Variants in ATPAF2 observed in about 807,000 individuals in gnomAD.
ATPAF2 encodes the protein ATP12 homolog.
In ATPAF2, 30 loss-of-function variants were observed where a neutral mutation model predicts 36.6. The observed-to-expected ratio is 0.82, with a 90% CI of 0.61 to 1.11. The LOEUF (loss-of-function observed/expected upper bound fraction) is 1.11. ATPAF2 is among the 50% of genes most tolerant of loss of function. ATPAF2 has a pLI of 0.00. For synonymous variants in ATPAF2, 140 were observed against 152.6 expected (o/e 0.92, Z 0.61); for missense variants, 321 against 372.3 (o/e 0.86, Z 1.13).
chr17:18,018,613 C>T lies in ATPAF2; in HGVS notation c.806G>A (p.Gly269Asp). 6.2e-7 allele frequency: 1 copy of T among 1,613,998 alleles called. No homozygotes were observed. Residue 269 changes from glycine (G) to aspartate (D), a missense_variant, in exon 8 of 8, where the codon GGC (glycine) becomes GAC (aspartate). Physicochemically the swap from Gly to Asp is moderately conservative, Grantham distance 94. Coordinates refer to ENST00000474627, the MANE Select transcript of ATPAF2 (RefSeq NM_145691.4). ...LQELRARTAAGTLFIHLCSES... is the reference protein window; with the variant it reads ...LQELRARTAADTLFIHLCSES... ...GGAGCAGAGATGGATGAAGAGGGTGCCGGCGGCGGTGCGGGCCCGCAGCTC... is the reference window on the plus strand; with the variant it reads ...GGAGCAGAGATGGATGAAGAGGGTGTCGGCGGCGGTGCGGGCCCGCAGCTC...
In ATPAF2 at chr17:18,029,862, T is replaced by C. The variant is rs959112880; in HGVS notation, c.134-1203A>G. 1.3e-4 allele frequency among the ~76,000 whole-genome samples: 14 copies of C among 104,382 alleles called. No individual in the cohort carries two copies. In the Admixed American group the frequency reaches 1.8e-3, roughly 14 times the overall value. 68.5% of individuals were successfully genotyped at this position (104,382 alleles called of 152,430 possible). On this transcript the variant is annotated intron_variant, in intron 1 of 7. Coordinates refer to ENST00000474627, the MANE Select transcript of ATPAF2 (RefSeq NM_145691.4). Reference sequence around the variant, plus strand: ...CCGTGAGCCACCATGCCCGGCCAAATAGTTTGCCTTTAACGCTAAAAAAAA... The same window carrying C: ...CCGTGAGCCACCATGCCCGGCCAAACAGTTTGCCTTTAACGCTAAAAAAAA...
chr17:18,036,580 A>T (rs964273641), intron 1 of ATPAF2, among the ~76,000 whole-genome samples: 1 of 151,944 alleles, frequency 6.6e-6, no homozygotes, highest in Non-Finnish European at 1.5e-5. Flanking sequence ...TGTCTCAAAA[A>T]AAAAAAAAAG....
chr17:18,020,632 C>T (rs1035895381), intron 7 of ATPAF2: 1 of 164,304 alleles, frequency 6.1e-6, no homozygotes, highest in African/African-American at 2.4e-5. Flanking sequence ...AATGCAGGAA[C>T]ACAGCGGTAG....
At chr17:18,036,212 C>T (rs764210253) in intron 1 of ATPAF2, among the ~76,000 whole-genome samples, 1 of 152,092 alleles carries the variant, frequency 6.6e-6, no homozygotes, top group Admixed American at 6.5e-5. Context: ...GAACCCACTG[C>T]GGTTTAATCT....
At chr17:18,024,535 C>T (rs536483202) in intron 5 of ATPAF2, 89 bp downstream of exon 5, 11 of 1,082,072 alleles carry the variant, frequency 1.0e-5, no homozygotes, top group Non-Finnish European at 1.4e-5. Context: ...TAGCTAAGGG[C>T]ACTAGTTTTC....
At chr17:18,022,800 A>G (rs1331864071) in intron 5 of ATPAF2, among the ~76,000 whole-genome samples, 2 of 151,988 alleles carry the variant, frequency 1.3e-5, no homozygotes, top group African/African-American at 4.8e-5. Flanking sequence ...ATTTTCTTCC[A>G]TATATCACTG....
chr17:18,023,768 G>T (rs2044504663), intron 5 of ATPAF2, among the ~76,000 whole-genome samples: 1 of 152,176 alleles, frequency 6.6e-6, no homozygotes, highest in South Asian at 2.1e-4. Context: ...CATCACTTTT[G>T]TGGAAAACTG....
intron 3 of ATPAF2, 22 bp downstream of exon 3, chr17:18,028,210 G>A (rs2044575865): frequency 6.2e-7 from 1 of 1,614,146 alleles, no homozygotes; most frequent in South Asian, 1.1e-5. Flanking sequence ...CAGGGTCCAG[G>A]TTCACACTGT....
intron 4 of ATPAF2, 86 bp downstream of exon 4, chr17:18,026,233 G>C (rs1009675455): frequency 4.7e-6 from 6 of 1,269,478 alleles, no homozygotes; most frequent in South Asian, 2.4e-5. Flanking sequence ...AAATGGAGAG[G>C]GTTTCTTCTT....
At chr17:18,032,837 T>A (rs1428221039) in intron 1 of ATPAF2, among the ~76,000 whole-genome samples, 3 of 132,642 alleles carry the variant, frequency 2.3e-5, no homozygotes, top group East Asian at 2.1e-4. Flanking sequence ...ATTGATTCAA[T>A]TTTTTTTTTT....
At chr17:18,022,068 T>C (rs1406968665) in intron 5 of ATPAF2, among the ~76,000 whole-genome samples, 3 of 152,300 alleles carry the variant, frequency 2.0e-5, no homozygotes, top group Non-Finnish European at 4.4e-5. Context: ...ACCAAGAAAC[T>C]GTGCTGAATG....
chr17:18,020,762 T>G (rs921704902), intron 7 of ATPAF2: 2 of 219,094 alleles, frequency 9.1e-6, no homozygotes, highest in African/African-American at 4.8e-5. Flanking sequence ...CACTACAACC[T>G]CCACCTCCCA....
intron 1 of ATPAF2, among the ~76,000 whole-genome samples, chr17:18,033,926 C>A (rs1356445045): frequency 6.6e-6 from 1 of 151,946 alleles, no homozygotes; most frequent in Admixed American, 6.6e-5. Context: ...TCAAGACCAG[C>A]CTGAGCAACA....
intron 4 of ATPAF2, chr17:18,025,067 G>A: frequency 2.7e-6 from 1 of 363,856 alleles, no homozygotes; most frequent in South Asian, 2.2e-5. Flanking sequence ...CACTGTTACT[G>A]CCATCCTAAA....
chr17:18,024,314 T>C (rs1263757000), intron 5 of ATPAF2, among the ~76,000 whole-genome samples: 7 of 152,244 alleles, frequency 4.6e-5, no homozygotes, highest in Admixed American at 3.3e-4. Flanking sequence ...CCGACACTGC[T>C]GCTCTGACCC....
At chr17:18,033,653 C>G (rs926651117) in intron 1 of ATPAF2, among the ~76,000 whole-genome samples, 4 of 152,168 alleles carry the variant, frequency 2.6e-5, no homozygotes, top group Non-Finnish European at 5.9e-5. Flanking sequence ...GGTTTCAGAG[C>G]TGTCTCAGTG....
At chr17:18,016,868 A>T, downstream of ATPAF2, 1 of 398,480 alleles carries the variant, frequency 2.5e-6, no homozygotes, top group South Asian at 3.8e-5. Flanking sequence ...CATTTCCCCT[A>T]CTCATAAAAA....
chr17:18,028,755 T>G (rs1361414746), intron 1 of ATPAF2, 96 bp from the exon 2 acceptor site: 1 of 1,121,118 alleles, frequency 8.9e-7, no homozygotes, highest in South Asian at 1.2e-5. Context: ...CTAATGTTGA[T>G]TGATTGGCTT....
intron 1 of ATPAF2, among the ~76,000 whole-genome samples, chr17:18,036,298 G>A (rs1056305358): frequency 3.9e-5 from 6 of 152,148 alleles, no homozygotes; most frequent in Non-Finnish European, 5.9e-5. Context: ...GTCGGGGGCC[G>A]GGCGCGGTGG....
Sources: allele counts gnomAD v4.1 joint callset (sites outside exome capture counted in the v4.1 genomes callset), GRCh38; gene constraint gnomAD v4.1.1; transcripts MANE v1.5; gene names NCBI Gene and HGNC (gene_info 2026-07-23, HGNC 2026-07-21).